The following CNTN5 variants were observed in gnomAD, a reference collection of about 807,000 sequenced individuals.
CNTN5 encodes the protein contactin-5.
In CNTN5, 77 loss-of-function variants were observed where a neutral mutation model predicts 129.1. The ratio of observed to expected loss-of-function variants is 0.60; its 90% CI spans 0.50 to 0.72. The LOEUF is 0.72. Ranked by LOEUF, CNTN5 falls within the 30% of genes least tolerant of loss-of-function variation. The pLI is 0.00. For missense variants in CNTN5, 1,478 were observed against 1,328.8 expected (o/e 1.11, Z -1.75); for synonymous variants, 509 against 465.6 (o/e 1.09, Z -1.20).
intron 3 of CNTN5, among the ~76,000 whole-genome samples, chr11:99,602,515 A>G (rs1431860029): frequency 2.0e-5 from 3 of 152,164 alleles, no homozygotes; most frequent in East Asian, 3.9e-4. Context: ...GGCTACTTCA[A>G]TTGAGAGCAC....
At chr11:99,803,662 A>C (rs1961486) in intron 3 of CNTN5, among the ~76,000 whole-genome samples, 18,313 of 152,154 alleles carry the variant, frequency 0.12, 1,658 homozygotes, top group East Asian at 0.43. Flanking sequence ...TTAGCTCTCT[A>C]AGTTAGCCCC....
intron 2 of CNTN5, among the ~76,000 whole-genome samples, chr11:99,489,751 T>A (rs1471898504): frequency 1.3e-5 from 2 of 152,236 alleles, no homozygotes; most frequent in Middle Eastern, 3.4e-3. Flanking sequence ...TTCAGGAAAG[T>A]ACAGATGTTA....
At chr11:99,905,890 C>T (rs756286145) in intron 6 of CNTN5, among the ~76,000 whole-genome samples, 1 of 152,098 alleles carries the variant, frequency 6.6e-6, no homozygotes, top group Non-Finnish European at 1.5e-5. Flanking sequence ...GTATTTTATT[C>T]TCTTTGTAGC....
chr11:99,284,055 AC>A (rs1290089224), intron 1 of CNTN5, among the ~76,000 whole-genome samples: 1 of 152,154 alleles, frequency 6.6e-6, no homozygotes, highest in Non-Finnish European at 1.5e-5. Context: ...GTATCTATGT[AC>A]TAGCAATTGA....
Position 99,279,692 on chromosome 11 carries a change from C to T in CNTN5, c.-209-45654C>T, listed in dbSNP as rs971815576. Among the ~76,000 whole-genome samples, 7 of 151,294 alleles carry T rather than the reference C, an allele frequency of 4.6e-5. No homozygotes were observed. In the East Asian group the frequency reaches 5.8e-4, roughly 13 times the overall value. ...AGATACCTTAATAATTGAATAAGTC[C>T]GTGTTATCTAGTATTTTTTACATTG... On this transcript the variant is annotated intron_variant, in intron 1 of 24. Coordinates refer to ENST00000524871, the MANE Select transcript of CNTN5 (RefSeq NM_014361.4).
chr11:100,119,948 T>G (rs1010107792), intron 13 of CNTN5, among the ~76,000 whole-genome samples: 2 of 151,940 alleles, frequency 1.3e-5, no homozygotes, highest in Non-Finnish European at 2.9e-5. Context: ...AAACAAAAAT[T>G]ATTTAATGAT....
chr11:99,816,482 C>T (rs116134348), intron 3 of CNTN5, among the ~76,000 whole-genome samples: 2,318 of 152,252 alleles, frequency 0.015, 49 homozygotes, highest in African/African-American at 0.053. Flanking sequence ...CAAGCTCTTG[C>T]CTTTTCCTTC....
At chr11:99,431,099 T>G (rs1406873724) in intron 2 of CNTN5, among the ~76,000 whole-genome samples, 1 of 151,898 alleles carries the variant, frequency 6.6e-6, no homozygotes, top group Non-Finnish European at 1.5e-5. Context: ...CATTCGGATT[T>G]GACCAAGTCA....
chr11:99,889,364 ATC>A (rs1393778359), intron 6 of CNTN5, among the ~76,000 whole-genome samples: 2 of 119,462 alleles, frequency 1.7e-5, no homozygotes, highest in African/African-American at 3.1e-5. Context: ...GTGTATATAT[ATC>A]TCTCCATCAT....
chr11:99,517,027 T>C (rs920493774), intron 2 of CNTN5, among the ~76,000 whole-genome samples: 2 of 152,146 alleles, frequency 1.3e-5, no homozygotes, highest in Admixed American at 6.6e-5. Flanking sequence ...GGAGGGAAAC[T>C]AAATCTGTTT....
chr11:99,239,770 C>A (rs945574830), intron 1 of CNTN5, among the ~76,000 whole-genome samples: 1 of 151,936 alleles, frequency 6.6e-6, no homozygotes, highest in African/African-American at 2.4e-5. Context: ...CCCGTCTCTA[C>A]TAAAAATACA....
chr11:99,482,860 G>A (rs1945653896), intron 2 of CNTN5, among the ~76,000 whole-genome samples: 1 of 151,972 alleles, frequency 6.6e-6, no homozygotes, highest in South Asian at 2.1e-4. Flanking sequence ...AGTCAAGACT[G>A]GGATTAAATA....
At position 100,310,632 on chromosome 11, in the gene CNTN5, A is replaced by T. The variant is rs187341228; in HGVS notation, c.2730+2164A>T. ...CTAAGAAATAAGCGCATGATTTTTT[A>T]AAAAAAATATGAGATACAATTTCAG... On this transcript the variant is annotated intron_variant, in intron 21 of 24. Coordinates refer to ENST00000524871, the MANE Select transcript of CNTN5 (RefSeq NM_014361.4). Among the ~76,000 whole-genome samples, 442 of 151,914 alleles carry T rather than the reference A, an allele frequency of 2.9e-3. 1 individual carries two copies. The highest frequency in any genetic ancestry group is 9.5e-3 in the African/African-American group (393 of 41,478).
rs531100227 is a variant in CNTN5, at chr11:100,226,157, A to G, written c.2005+1345A>G. ...CCTTTCAATACATTCTATTCCATTT[A>G]GCTAAAAATTTCTCTTTGTGCCTTC... On this transcript the variant is annotated intron_variant, in intron 16 of 24. Transcript: ENST00000524871. Among the ~76,000 whole-genome samples the G allele has an allele frequency of 2.6e-5, 4 of 152,214 alleles. No homozygotes were observed. In the South Asian group the frequency reaches 8.3e-4, roughly 32 times the overall value.
At chr11:99,727,402 G>A (rs187539216) in intron 3 of CNTN5, among the ~76,000 whole-genome samples, 7 of 149,990 alleles carry the variant, frequency 4.7e-5, no homozygotes, top group East Asian at 2.0e-4. Flanking sequence ...TGATAAGCCC[G>A]ATCTGTCTCC....
intron 2 of CNTN5, among the ~76,000 whole-genome samples, chr11:99,371,566 T>C (rs569594392): frequency 6.6e-6 from 1 of 152,144 alleles, no homozygotes; most frequent in Non-Finnish European, 1.5e-5. Context: ...AGTGGAGAAC[T>C]AAAATAGAAT....
At chr11:99,744,084 A>G (rs370474661) in intron 3 of CNTN5, among the ~76,000 whole-genome samples, 6 of 152,220 alleles carry the variant, frequency 3.9e-5, no homozygotes, top group African/African-American at 1.4e-4. Context: ...GGGAGGGGGA[A>G]GACATATACT....
At chr11:99,358,373 C>T (rs114463583) in intron 2 of CNTN5, among the ~76,000 whole-genome samples, 4,130 of 131,194 alleles carry the variant, frequency 0.031, 173 homozygotes, top group African/African-American at 0.11. Flanking sequence ...GGATAGCAGC[C>T]GGGCGCGGTG....
chr11:99,440,674 T>C (rs1943790255), intron 2 of CNTN5, among the ~76,000 whole-genome samples: 1 of 128,508 alleles, frequency 7.8e-6, no homozygotes, highest in African/African-American at 2.6e-5. Flanking sequence ...CTTACATAAC[T>C]TTTTTTTTTC....
Sources: allele counts gnomAD v4.1 joint callset (sites outside exome capture counted in the v4.1 genomes callset), GRCh38; gene constraint gnomAD v4.1.1; transcripts MANE v1.5; gene names NCBI Gene and HGNC (gene_info 2026-07-23, HGNC 2026-07-21).